The following ILF2 variants were observed in gnomAD, a reference collection of about 807,000 sequenced individuals.
ILF2 encodes interleukin enhancer-binding factor 2.
In ILF2, 9 loss-of-function variants were observed where a neutral mutation model predicts 55.3. The ratio of observed to expected loss-of-function variants is 0.16; its 90% CI spans 0.10 to 0.28. The LOEUF is 0.28. Among genes scored for constraint, ILF2 ranks in the 10% least tolerant of loss-of-function variants. The pLI, the probability that ILF2 is intolerant of heterozygous loss-of-function variation, is 1.00. For missense variants in ILF2, 266 were observed against 474.9 expected, an observed-to-expected ratio of 0.56 and a Z score of 4.09; for synonymous variants, 151 against 161.8, an observed-to-expected ratio of 0.93 and a Z score of 0.50.
At position 153,668,015 on chromosome 1, in the gene ILF2, T is replaced by G. The variant is rs749348466; in HGVS notation, c.276A>C (p.Pro92=). ...AAAAACTCACCACTTCAAATGTCCCTGGAGCCACAATCAGATTATCAATCA... is the reference window on the plus strand; with the variant it reads ...AAAAACTCACCACTTCAAATGTCCCGGGAGCCACAATCAGATTATCAATCA... ...NNVIDNLIVA[P]GTFEVQIEEV... The change falls in exon 5 of 14, where the codon CCA becomes CCC. Residue 92 remains proline (P), a synonymous_variant. Transcript: ENST00000361891. 6.8e-6 allele frequency: 11 copies of G among 1,611,544 alleles called. No homozygotes were observed. Among genetic ancestry groups the G allele is most frequent in the Non-Finnish European group, 9.3e-6 (11 of 1,178,828 alleles).
intron 10 of ILF2, among the ~76,000 whole-genome samples, chr1:153,663,823 CTT>C (rs1483265528): frequency 2.0e-5 from 3 of 147,362 alleles, no homozygotes; most frequent in Admixed American, 1.3e-4. Flanking sequence ...AAAAAAAAAA[CTT>C]TGAATTTTTT....
In ILF2 at chr1:153,662,815, G is replaced by T; in HGVS notation, c.922-20C>A. Reference sequence around the variant, plus strand: ...CATGTCCTGAAGGAAAGCAAAGTGAGAGTAAGCAAGGAAAATCAAAGGACC... The same window carrying T: ...CATGTCCTGAAGGAAAGCAAAGTGATAGTAAGCAAGGAAAATCAAAGGACC... On this transcript the variant is annotated intron_variant, in intron 12 of 13. Transcript: ENST00000361891. 1 of 1,598,734 alleles carries T rather than the reference G, an allele frequency of 6.3e-7. No homozygotes were observed. The highest frequency in any genetic ancestry group is 1.1e-5 in the South Asian group (1 of 90,544).
In ILF2 at chr1:153,670,802, T is replaced by G. The variant is rs977435468; in HGVS notation, c.5+116A>C. On this transcript the variant is annotated intron_variant, in intron 1 of 13. Coordinates refer to ENST00000361891, the MANE Select transcript of ILF2 (RefSeq NM_004515.4). The stretch of plus-strand genomic sequence containing the variant: ...CTATCCTAGACCAGGAGTTCTCAGG[T>G]TTTTGGCCAGCCCCCGGATACATGG... 4 of 1,243,640 alleles carry G rather than the reference T, an allele frequency of 3.2e-6. No individual in the cohort carries two copies. In the African/African-American group the frequency reaches 5.9e-5, roughly 18 times the overall value. The allele number at this position is 1,243,640 out of a possible 1,614,324, so 77.0% of individuals were successfully genotyped here.
chr1:153,670,985 A>C lies in ILF2; in HGVS notation c.-63T>G. 1 of 1,605,078 alleles carries C rather than the reference A, an allele frequency of 6.2e-7. No individual in the cohort carries two copies. Among genetic ancestry groups the C allele is most frequent in the Non-Finnish European group, 8.5e-7 (1 of 1,171,730 alleles). On this transcript the variant is annotated 5_prime_UTR_variant, in exon 1 of 14. Coordinates refer to ENST00000361891, the MANE Select transcript of ILF2 (RefSeq NM_004515.4). ...CGCCCCTTCCTCTGAGTAGCAGACA[A>C]CTGAAGAGGCGTCTTGCCGGCGTGT... is the stretch of plus-strand genomic sequence containing the variant.
intron 13 of ILF2, 39 bp from the exon 14 acceptor site, chr1:153,662,595 G>A: frequency 1.9e-6 from 3 of 1,586,602 alleles, no homozygotes; most frequent in Non-Finnish European, 2.6e-6. Flanking sequence ...GAGTAGCCCA[G>A]CATAAAAGTC....
At chr1:153,667,736 C>CCTGTTGT in intron 5 of ILF2, 79 bp from the exon 6 acceptor site, 1 of 956,512 alleles carries the variant, frequency 1.0e-6, no homozygotes, top group Non-Finnish European at 1.6e-6. Context: ...TGTTACAACA[C>CCTGTTGT]AGCTACCTGT....
intron 2 of ILF2, 45 bp from the exon 3 acceptor site, chr1:153,669,923 A>G (rs764591018): frequency 6.6e-7 from 1 of 1,510,310 alleles, no homozygotes; most frequent in South Asian, 1.1e-5. Context: ...GTAGGAATCA[A>G]GCGAGATGTA....
chr1:153,666,184 T>C (rs887465325), intron 6 of ILF2, among the ~76,000 whole-genome samples: 4 of 151,052 alleles, frequency 2.6e-5, no homozygotes, highest in Admixed American at 1.3e-4. Context: ...GCTTTTTTTT[T>C]CTTTTTTTCT....
At chr1:153,668,940 C>A (rs921155147) in intron 3 of ILF2, among the ~76,000 whole-genome samples, 1 of 151,910 alleles carries the variant, frequency 6.6e-6, no homozygotes, top group African/African-American at 2.4e-5. Flanking sequence ...GTGGGTCACG[C>A]ACACCTGTAA....
intron 7 of ILF2, 123 bp downstream of exon 7, chr1:153,665,540 A>G (rs115708871): frequency 4.2e-6 from 4 of 948,486 alleles, no homozygotes; most frequent in Non-Finnish European, 6.9e-6. Context: ...AAAAACTCCC[A>G]CAACATAAAA....
chr1:153,669,301 T>C (rs1669387643), intron 3 of ILF2, among the ~76,000 whole-genome samples: 1 of 152,210 alleles, frequency 6.6e-6, no homozygotes, highest in South Asian at 2.1e-4. Context: ...TCACTATCTT[T>C]ATAGTAACAG....
At chr1:153,669,981 G>A in intron 2 of ILF2, 103 bp from the exon 3 acceptor site, 1 of 1,144,846 alleles carries the variant, frequency 8.7e-7, no homozygotes, top group South Asian at 1.2e-5. Flanking sequence ...CAGAATGAGT[G>A]ACAAAGTCTC....
intron 4 of ILF2, 120 bp from the exon 5 acceptor site, chr1:153,668,197 A>G: frequency 1.2e-6 from 1 of 802,450 alleles, no homozygotes; most frequent in Non-Finnish European, 2.0e-6. Flanking sequence ...TAGGGCTTTA[A>G]AAACACTTCA....
intron 8 of ILF2, among the ~76,000 whole-genome samples, chr1:153,664,718 C>A (rs1202045255): frequency 6.6e-6 from 1 of 152,174 alleles, no homozygotes; most frequent in Non-Finnish European, 1.5e-5. Context: ...CGCCATCATG[C>A]CCCACTAATT....
At chr1:153,662,614 C>A (rs1182794727) in intron 13 of ILF2, 58 bp from the exon 14 acceptor site, 1 of 1,571,314 alleles carries the variant, frequency 6.4e-7, no homozygotes, top group African/African-American at 1.4e-5. Context: ...TCATTACTTA[C>A]ACTGTGGAAA....
At chr1:153,664,321 G>T in intron 9 of ILF2, 75 bp downstream of exon 9, 1 of 1,249,664 alleles carries the variant, frequency 8.0e-7, no homozygotes, top group Non-Finnish European at 1.2e-6. Flanking sequence ...TCTGTCAGAG[G>T]AAGTATGGGG....
intron 9 of ILF2, 83 bp downstream of exon 9, chr1:153,664,313 T>C (rs1019424567): frequency 6.6e-6 from 8 of 1,216,164 alleles, no homozygotes; most frequent in African/African-American, 6.0e-5. Context: ...AAAATAGTTC[T>C]GTCAGAGGAA....
chr1:153,665,363 A>T, intron 7 of ILF2, 27 bp from the exon 8 acceptor site: 1 of 1,409,464 alleles, frequency 7.1e-7, no homozygotes, highest in Non-Finnish European at 1.0e-6. Context: ...AACAAAAACT[A>T]TAACTCACAT....
intron 10 of ILF2, 28 bp downstream of exon 10, chr1:153,664,014 AG>A: frequency 2.3e-6 from 3 of 1,284,708 alleles, no homozygotes; most frequent in Non-Finnish European, 3.4e-6. Context: ...AAGGATGATG[AG>A]GAACTCCAAT....
Sources: allele counts gnomAD v4.1 joint callset (sites outside exome capture counted in the v4.1 genomes callset), GRCh38; gene constraint gnomAD v4.1.1; transcripts MANE v1.5; gene names NCBI Gene and HGNC (gene_info 2026-07-23, HGNC 2026-07-21).